DZANK1: variants seen among roughly 807,000 people sequenced by gnomAD.
DZANK1 encodes double zinc ribbon and ankyrin repeat-containing protein 1.
DZANK1 carries 91 observed loss-of-function variants against 94.5 expected under a neutral mutation model. The observed-to-expected ratio is 0.96, with a 90% confidence interval of 0.81 to 1.15. The LOEUF (loss-of-function observed/expected upper bound fraction) is 1.15. Ranked by LOEUF, DZANK1 falls within the 50% of genes most tolerant of loss-of-function variation. DZANK1 has a pLI of 0.00. For missense variants in DZANK1, 903 were observed against 916.4 expected (o/e 0.99, Z 0.19); for synonymous variants, 312 against 325.3 (o/e 0.96, Z 0.44).
chr20:18,393,571 G>A (rs1213314857), intron 17 of DZANK1, 140 bp downstream of exon 17: 1 of 592,128 alleles, frequency 1.7e-6, no homozygotes, highest in Admixed American at 3.1e-5. Flanking sequence ...GAAGTCTAAA[G>A]GACAAGGATG....
At chr20:18,442,655 C>T (rs1001610112) in intron 8 of DZANK1, among the ~76,000 whole-genome samples, 1 of 152,196 alleles carries the variant, frequency 6.6e-6, no homozygotes, top group African/African-American at 2.4e-5. Context: ...ACTTGGAACT[C>T]ACTCAATTAG....
intron 14 of DZANK1, among the ~76,000 whole-genome samples, chr20:18,397,354 C>A (rs889608661): frequency 6.6e-6 from 1 of 152,136 alleles, no homozygotes; most frequent in South Asian, 2.1e-4. Flanking sequence ...TCTAGTCTTG[C>A]GACAAACAGA....
At chr20:18,434,012 C>A in intron 8 of DZANK1, 1 of 432,046 alleles carries the variant, frequency 2.3e-6, no homozygotes, top group Non-Finnish European at 4.1e-6. Context: ...CTGATTTGAC[C>A]ACTACACATT....
At chr20:18,401,728 G>C (rs78799006) in intron 13 of DZANK1, among the ~76,000 whole-genome samples, 4,308 of 152,318 alleles carry the variant, frequency 0.028, 100 homozygotes, top group Non-Finnish European at 0.038. Flanking sequence ...TCTTCATGTG[G>C]CATCTCTTCT....
At chr20:18,452,018 A>G (rs2059120861) in intron 6 of DZANK1, 1 of 490,814 alleles carries the variant, frequency 2.0e-6, no homozygotes, top group Non-Finnish European at 4.0e-6. Context: ...TTACGGTCAG[A>G]CTAGTATCTG....
chr20:18,448,909 G>C (rs980436179), intron 7 of DZANK1, 75 bp downstream of exon 7: 7 of 1,134,790 alleles, frequency 6.2e-6, no homozygotes, highest in Non-Finnish European at 8.9e-6. Context: ...CAAAAATGTC[G>C]TATCTTTAAA....
intron 5 of DZANK1, chr20:18,452,694 A>C (rs1462289727): frequency 1.2e-6 from 2 of 1,605,494 alleles, no homozygotes; most frequent in Non-Finnish European, 1.7e-6. Context: ...TGAAAAGTGA[A>C]GATCTTTCAA....
intron 13 of DZANK1, among the ~76,000 whole-genome samples, chr20:18,400,885 A>C (rs559857090): frequency 6.6e-6 from 1 of 152,194 alleles, no homozygotes; most frequent in South Asian, 2.1e-4. Context: ...ATACGTATGT[A>C]GGAGTATGTT....
intron 19 of DZANK1, among the ~76,000 whole-genome samples, chr20:18,387,181 C>A (rs2048547890): frequency 6.6e-6 from 1 of 152,112 alleles, no homozygotes; most frequent in South Asian, 2.1e-4. Flanking sequence ...TGCCGCATCT[C>A]CTAAGTAGAC....
chr20:18,399,640 T>G (rs2056563841), intron 13 of DZANK1, among the ~76,000 whole-genome samples: 2 of 152,318 alleles, frequency 1.3e-5, no homozygotes, highest in Admixed American at 1.3e-4. Context: ...CCCTTTCCAG[T>G]CTGCACAGGG....
intron 10 of DZANK1, among the ~76,000 whole-genome samples, chr20:18,419,004 G>A (rs1042537255): frequency 2.6e-5 from 4 of 152,200 alleles, no homozygotes; most frequent in East Asian, 1.9e-4. Flanking sequence ...GCTCATGCCT[G>A]TAATCTCAGC....
At chr20:18,408,639 G>A (rs992969684) in intron 13 of DZANK1, among the ~76,000 whole-genome samples, 1 of 152,088 alleles carries the variant, frequency 6.6e-6, no homozygotes, top group Non-Finnish European at 1.5e-5. Flanking sequence ...AATTAAAAAA[G>A]TTTTACCCTA....
chr20:18,461,945 T>C (rs1018117744), intron 2 of DZANK1, among the ~76,000 whole-genome samples: 3 of 152,012 alleles, frequency 2.0e-5, no homozygotes, highest in Non-Finnish European at 2.9e-5. Context: ...CCTCCATGGA[T>C]GGTTAAGCAA....
In DZANK1 at chr20:18,412,873, C is replaced by T. The variant is rs1030056556; in HGVS notation, c.1243-38G>A. 3 of 1,591,380 alleles carry T rather than the reference C, an allele frequency of 1.9e-6. No homozygotes were observed. Among genetic ancestry groups the T allele is most frequent in the South Asian group, 2.3e-5 (2 of 88,768 alleles). On this transcript the variant is annotated intron_variant, in intron 12 of 20. Transcript: ENST00000262547. Reference sequence around the variant, plus strand: ...TCGGGGCCATGCGTGAGGCAGAAGACATTTTTAAAATTAGAATATAATTTA... The same window carrying T: ...TCGGGGCCATGCGTGAGGCAGAAGATATTTTTAAAATTAGAATATAATTTA...
chr20:18,425,397 A>G (rs1392286785), intron 10 of DZANK1, among the ~76,000 whole-genome samples: 1 of 152,110 alleles, frequency 6.6e-6, no homozygotes, highest in Non-Finnish European at 1.5e-5. Flanking sequence ...CTAAAAATAC[A>G]AAAATTAGCC....
At chr20:18,466,263 A>T (rs889906200) in intron 1 of DZANK1, among the ~76,000 whole-genome samples, 2 of 152,174 alleles carry the variant, frequency 1.3e-5, no homozygotes, top group African/African-American at 4.8e-5. Flanking sequence ...TTCTCACTGT[A>T]TTATTTAGTT....
chr20:18,451,808 C>A (rs1297186315), intron 6 of DZANK1: 1 of 505,730 alleles, frequency 2.0e-6, no homozygotes, highest in African/African-American at 1.9e-5. Context: ...CGCCTCCTAT[C>A]CTGACCACCT....
At chr20:18,455,182 C>G (rs1288607382) in intron 4 of DZANK1, 65 bp downstream of exon 4, 55 of 1,222,308 alleles carry the variant, frequency 4.5e-5, no homozygotes, top group Non-Finnish European at 6.5e-5. Flanking sequence ...GCAAGATCTG[C>G]TCACTGAGAA....
In DZANK1 at chr20:18,415,012, C is replaced by T. The variant is rs147617391; in HGVS notation, c.1077+315G>A. Among the ~76,000 whole-genome samples the T allele has an allele frequency of 1.8e-4, 28 of 152,144 alleles. 2 individuals carry two copies. In the South Asian group the frequency reaches 1.9e-3, roughly 10 times the overall value. On this transcript the variant is annotated intron_variant, in intron 11 of 20. Transcript: ENST00000262547. ...CTAAAACTTTTTTGTTATTTGCATG[C>T]GATACTTAAATAAATACATAGTCTT...
Sources: gnomAD v4.1 joint callset for allele counts (sites outside exome capture counted in the v4.1 genomes callset) on GRCh38, gnomAD v4.1.1 for gene constraint, MANE v1.5 for transcripts, NCBI Gene and HGNC (gene_info 2026-07-23, HGNC 2026-07-21) for gene names.